Variants in PDE6D observed in about 807,000 individuals in gnomAD.
The protein encoded by PDE6D is retinal rod rhodopsin-sensitive cGMP 3',5'-cyclic phosphodiesterase subunit delta.
PDE6D carries 10 observed loss-of-function variants against 21.9 expected under a neutral mutation model. The observed-to-expected ratio is 0.46, with a 90% CI of 0.28 to 0.78. The LOEUF is 0.78. PDE6D is among the 30% of genes least tolerant of loss of function. PDE6D has a pLI of 0.12. For synonymous variants in PDE6D, 59 were observed against 63.5 expected (o/e 0.93, Z 0.34); for missense variants, 139 against 184.8 (o/e 0.75, Z 1.44).
intron 2 of PDE6D, among the ~76,000 whole-genome samples, chr2:231,738,777 G>T (rs1484028602): frequency 6.6e-6 from 1 of 151,950 alleles, no homozygotes; most frequent in Non-Finnish European, 1.5e-5. Flanking sequence ...TTAGCCAGAT[G>T]TGGTGGCGCA....
At chr2:231,780,496 CAAGTTTGGAAGAG>C (rs902213230) in intron 1 of PDE6D, among the ~76,000 whole-genome samples, 19 of 152,168 alleles carry the variant, frequency 1.2e-4, no homozygotes, top group Admixed American at 6.5e-4. Context: ...GAAGAAGCCA[CAAGTTTGGAAGAG>C]AAGTTGTGGA....
At chr2:231,779,759 T>A (rs2049088166) in intron 1 of PDE6D, among the ~76,000 whole-genome samples, 6 of 152,230 alleles carry the variant, frequency 3.9e-5, no homozygotes, top group Admixed American at 3.9e-4. Context: ...TTAGTTTTTT[T>A]AAAAAGCATA....
intron 4 of PDE6D, among the ~76,000 whole-genome samples, chr2:231,734,846 CA>C (rs781430047): frequency 1.8e-4 from 12 of 65,082 alleles, no homozygotes; most frequent in African/African-American, 2.4e-4. Context: ...GACTCCGTCT[CA>C]AAAAAAAAAA....
rs1403817175 is a variant in PDE6D, at chr2:231,733,161, T to C, written c.372-128A>G. ...ACATGCACCCACCCAGAGTCTTAGC[T>C]TGGGGACATTAAAATCCTTGTCTAT... On this transcript the variant is annotated intron_variant, in intron 4 of 4. Transcript: ENST00000287600. 9 of 660,322 alleles carry C rather than the reference T, an allele frequency of 1.4e-5. No homozygotes were observed. In the Middle Eastern group the frequency reaches 7.5e-4, roughly 55 times the overall value. 40.9% of individuals were successfully genotyped at this position (660,322 alleles called of 1,614,324 possible).
At chr2:231,736,288 T>C (rs1239074704) in intron 4 of PDE6D, among the ~76,000 whole-genome samples, 1 of 152,100 alleles carries the variant, frequency 6.6e-6, no homozygotes, top group Non-Finnish European at 1.5e-5. Flanking sequence ...AAAGAGATGA[T>C]CCAATATTAC....
At chr2:231,737,779 C>T in intron 3 of PDE6D, 4 of 469,048 alleles carry the variant, frequency 8.5e-6, no homozygotes, top group African/African-American at 2.0e-5. Context: ...GTGCCTAAAC[C>T]AGGCACCACC....
chr2:231,737,360 C>A, intron 3 of PDE6D, 68 bp from the exon 4 acceptor site: 2 of 804,372 alleles, frequency 2.5e-6, no homozygotes, highest in Non-Finnish European at 4.3e-6. Flanking sequence ...TCTTTGTCTC[C>A]CTCTCTAGAG....
At chr2:231,753,925 C>T (rs2048862949) in intron 1 of PDE6D, among the ~76,000 whole-genome samples, 1 of 152,242 alleles carries the variant, frequency 6.6e-6, no homozygotes, top group South Asian at 2.1e-4. Flanking sequence ...CACCCATTCT[C>T]ATCCAGGCAC....
chr2:231,735,302 A>AT lies in PDE6D; in HGVS notation c.371+1884dup, dbSNP rs576327627. ...TAAAACTTTAAAAAATTCTATTACA[A>AT]TTTTTTTTTTTTTTTGAGGTGGAGT... On this transcript the variant is annotated intron_variant, in intron 4 of 4. Transcript: ENST00000287600. Among the ~76,000 whole-genome samples the AT allele has an allele frequency of 5.1e-3, 675 of 132,008 alleles. 3 individuals are homozygous for AT. Among genetic ancestry groups the AT allele is most frequent in the East Asian group, 0.012 (56 of 4,562 alleles). The allele number at this position is 132,008 out of a possible 152,430, so 86.6% of individuals were successfully genotyped here.
chr2:231,761,250 C>A (rs1179485030), intron 1 of PDE6D, among the ~76,000 whole-genome samples: 1 of 152,124 alleles, frequency 6.6e-6, no homozygotes, highest in East Asian at 1.9e-4. Context: ...TCTCGGCTCA[C>A]TGCAAGCTCC....
intron 1 of PDE6D, among the ~76,000 whole-genome samples, chr2:231,775,570 A>C (rs2049049597): frequency 6.9e-6 from 1 of 144,436 alleles, no homozygotes; most frequent in African/African-American, 2.6e-5. Context: ...CAATCCACCC[A>C]CCTTGGCCTC....
intron 1 of PDE6D, among the ~76,000 whole-genome samples, chr2:231,761,125 A>G (rs2048921241): frequency 6.6e-6 from 1 of 152,200 alleles, no homozygotes; most frequent in Non-Finnish European, 1.5e-5. Context: ...TCCAAAGGCT[A>G]AACGGAAATC....
At chr2:231,771,529 T>C (rs1254618432) in intron 1 of PDE6D, among the ~76,000 whole-genome samples, 1 of 152,184 alleles carries the variant, frequency 6.6e-6, no homozygotes, top group Non-Finnish European at 1.5e-5. Flanking sequence ...AAAAGCAGTA[T>C]AGAATTATGA....
rs926731703 is a variant in PDE6D at position 231,762,088 on chromosome 2, T to C, written c.50+18977A>G. On this transcript the variant is annotated intron_variant, in intron 1 of 4. Coordinates refer to ENST00000287600, the MANE Select transcript of PDE6D (RefSeq NM_002601.4). Reference sequence around the variant, plus strand: ...AATGTTCTCTTGGGGATATGCTTAGTAGAGAAGGAAGATGATGTATTGAGT... The same window carrying C: ...AATGTTCTCTTGGGGATATGCTTAGCAGAGAAGGAAGATGATGTATTGAGT... Among the ~76,000 whole-genome samples the C allele has an allele frequency of 1.1e-4, 16 of 152,180 alleles. 1 individual carries two copies. The highest frequency in any genetic ancestry group is 3.9e-4 in the African/African-American group (16 of 41,432).
intron 3 of PDE6D, 193 bp downstream of exon 3, chr2:231,737,820 G>A (rs1311484885): frequency 1.5e-5 from 8 of 546,174 alleles, no homozygotes; most frequent in Non-Finnish European, 2.2e-5. Flanking sequence ...AGACCTCAAA[G>A]CCCCTTGTAG....
chr2:231,776,685 T>C (rs1399665495), intron 1 of PDE6D, among the ~76,000 whole-genome samples: 1 of 152,226 alleles, frequency 6.6e-6, no homozygotes. Context: ...CCTTCAAGTG[T>C]AGAGTGCCCT....
At chr2:231,733,301 T>C (rs1432314358) in intron 4 of PDE6D, among the ~76,000 whole-genome samples, 1 of 152,162 alleles carries the variant, frequency 6.6e-6, no homozygotes, top group Non-Finnish European at 1.5e-5. Context: ...CTAAAGCCCT[T>C]AGTAGAGTGC....
At chr2:231,777,995 C>T (rs184059650) in intron 1 of PDE6D, among the ~76,000 whole-genome samples, 9 of 152,300 alleles carry the variant, frequency 5.9e-5, no homozygotes, top group East Asian at 3.9e-4. Flanking sequence ...AGGCCAGGCA[C>T]GGTGGCTCAT....
At chr2:231,743,497 A>G (rs537330887) in intron 1 of PDE6D, among the ~76,000 whole-genome samples, 1 of 152,052 alleles carries the variant, frequency 6.6e-6, no homozygotes, top group East Asian at 1.9e-4. Context: ...AGTGCCTGCA[A>G]TGTGATGAGG....
Sources: gnomAD v4.1 joint callset for allele counts (sites outside exome capture counted in the v4.1 genomes callset) on GRCh38, gnomAD v4.1.1 for gene constraint, MANE v1.5 for transcripts, NCBI Gene and HGNC (gene_info 2026-07-23, HGNC 2026-07-21) for gene names.